DDAH1: variants seen among roughly 807,000 people sequenced by gnomAD.
DDAH1 encodes the protein N(G),N(G)-dimethylarginine dimethylaminohydrolase 1.
Under a neutral mutation model 28.8 loss-of-function variants are expected in DDAH1, and 19 were observed. The ratio of observed to expected loss-of-function variants is 0.66; its 90% CI spans 0.46 to 0.97. The LOEUF (loss-of-function observed/expected upper bound fraction) is 0.97, where lower values mean the gene tolerates loss of function less well. DDAH1 is among the 50% of genes least tolerant of loss of function. DDAH1 has a pLI of 0.00. For synonymous variants in DDAH1, 153 were observed against 154.4 expected (o/e 0.99, Z 0.07); for missense variants, 326 against 375.9 (o/e 0.87, Z 1.10).
chr1:85,398,102 C>G (rs1032811492), intron 1 of DDAH1, among the ~76,000 whole-genome samples: 4 of 151,640 alleles, frequency 2.6e-5, no homozygotes, highest in Non-Finnish European at 5.9e-5. Flanking sequence ...CACTTCCTGG[C>G]AGGCCTAGGA....
intron 1 of DDAH1, among the ~76,000 whole-genome samples, chr1:85,391,398 T>C (rs1651541269): frequency 6.6e-6 from 1 of 152,080 alleles, no homozygotes; most frequent in Non-Finnish European, 1.5e-5. Context: ...GCCCAGGAGT[T>C]TGAGGCTGCA....
chr1:85,505,916 T>C (rs1184473702), intron 1 of DDAH1, among the ~76,000 whole-genome samples: 1 of 152,214 alleles, frequency 6.6e-6, no homozygotes, highest in Non-Finnish European at 1.5e-5. Flanking sequence ...ATGTCCTAAA[T>C]TCTTCTATAG....
chr1:85,357,217 C>T (rs760516996), intron 2 of DDAH1, among the ~76,000 whole-genome samples: 5 of 152,136 alleles, frequency 3.3e-5, no homozygotes, highest in South Asian at 2.1e-4. Flanking sequence ...AAGAATGCAG[C>T]GTAGGCCTTC....
intron 1 of DDAH1, among the ~76,000 whole-genome samples, chr1:85,417,340 G>A (rs934149163): frequency 1.3e-5 from 2 of 152,168 alleles, no homozygotes; most frequent in Admixed American, 6.5e-5. Context: ...AGGCCTGGCT[G>A]TGTGCAAGAG....
chr1:85,564,216 T>TA (rs535061972), intron 1 of DDAH1, among the ~76,000 whole-genome samples: 70 of 149,196 alleles, frequency 4.7e-4, no homozygotes, highest in Non-Finnish European at 9.6e-4. Flanking sequence ...ATGTCTGAGA[T>TA]AAAAAAATAT....
chr1:85,389,474 T>C (rs747319729), intron 1 of DDAH1, among the ~76,000 whole-genome samples: 9 of 152,164 alleles, frequency 5.9e-5, no homozygotes, highest in South Asian at 2.1e-4. Context: ...TGCTGAGTTA[T>C]CCATTCACTG....
chr1:85,511,728 C>G (rs980884601), intron 1 of DDAH1, among the ~76,000 whole-genome samples: 5 of 152,164 alleles, frequency 3.3e-5, no homozygotes, highest in Non-Finnish European at 7.3e-5. Context: ...CACCTCTATG[C>G]AAATAAACTA....
intron 1 of DDAH1, among the ~76,000 whole-genome samples, chr1:85,392,527 G>A (rs959814589): frequency 2.0e-5 from 3 of 152,092 alleles, no homozygotes; most frequent in African/African-American, 7.2e-5. Context: ...GGGTGTGATG[G>A]CTCACACCTG....
intron 1 of DDAH1, among the ~76,000 whole-genome samples, chr1:85,434,684 G>A (rs1653850812): frequency 6.6e-6 from 1 of 152,046 alleles, no homozygotes; most frequent in Non-Finnish European, 1.5e-5. Flanking sequence ...TAGCCACCAT[G>A]CCTGGCCTAA....
rs186766674 is a variant in DDAH1, at chr1:85,460,528, C to T, written c.303+4215G>A. 2.0e-3 allele frequency among the ~76,000 whole-genome samples: 305 copies of T among 152,076 alleles called. 1 individual carries two copies. The highest frequency in any genetic ancestry group is 3.8e-3 in the Non-Finnish European group (260 of 68,008). On this transcript the variant is annotated intron_variant, in intron 1 of 5. Transcript: ENST00000284031. ...TTACCCCACATACTAACACTTGGTA[C>T]CTGGGAAAGGATAAAATAGCTGTTA...
intron 4 of DDAH1, among the ~76,000 whole-genome samples, chr1:85,337,769 A>G (rs1164329046): frequency 6.6e-6 from 1 of 152,192 alleles, no homozygotes; most frequent in Non-Finnish European, 1.5e-5. Flanking sequence ...TCAAAAAGTT[A>G]AAGTCCCCTT....
chr1:85,354,468 C>A (rs1649385130), intron 2 of DDAH1, among the ~76,000 whole-genome samples: 1 of 152,128 alleles, frequency 6.6e-6, no homozygotes, highest in African/African-American at 2.4e-5. Flanking sequence ...TGCACAGATC[C>A]ATTATTTTTT....
intron 2 of DDAH1, among the ~76,000 whole-genome samples, chr1:85,475,934 C>A (rs2100709476): frequency 6.6e-6 from 1 of 152,326 alleles, no homozygotes; most frequent in Admixed American, 6.5e-5. Flanking sequence ...TCACTGCAAC[C>A]TCTACCTCCC....
At chr1:85,333,143 T>C (rs1300325704) in intron 4 of DDAH1, among the ~76,000 whole-genome samples, 1 of 152,218 alleles carries the variant, frequency 6.6e-6, no homozygotes, top group Non-Finnish European at 1.5e-5. Flanking sequence ...CCTGGCGTCC[T>C]ATCCCCAGGA....
intron 1 of DDAH1, among the ~76,000 whole-genome samples, chr1:85,403,568 C>T (rs575333131): frequency 9.2e-5 from 14 of 152,234 alleles, no homozygotes; most frequent in Non-Finnish European, 1.8e-4. Context: ...ATCTATTTTT[C>T]AACCCCCAAA....
intron 4 of DDAH1, among the ~76,000 whole-genome samples, chr1:85,334,167 G>A (rs1045209814): frequency 6.6e-6 from 1 of 152,174 alleles, no homozygotes; most frequent in African/African-American, 2.4e-5. Flanking sequence ...TTTGATAAGT[G>A]TTTGGTAGTT....
intron 1 of DDAH1, among the ~76,000 whole-genome samples, chr1:85,544,685 T>A (rs1658567629): frequency 6.6e-6 from 1 of 152,116 alleles, no homozygotes; most frequent in Admixed American, 6.6e-5. Context: ...TCAGAGACTA[T>A]AAGACCCAAC....
At chr1:85,378,556 G>A (rs1650804546) in intron 1 of DDAH1, among the ~76,000 whole-genome samples, 1 of 152,076 alleles carries the variant, frequency 6.6e-6, no homozygotes, top group Non-Finnish European at 1.5e-5. Flanking sequence ...CCATAAGCAT[G>A]TGCCACCACA....
chr1:85,485,364 C>G (rs995229678), intron 2 of DDAH1, among the ~76,000 whole-genome samples: 14 of 152,186 alleles, frequency 9.2e-5, no homozygotes, highest in Middle Eastern at 3.4e-3. Context: ...AGGAGAATCA[C>G]TGGCTTTTAA....
Sources: gnomAD v4.1 joint callset for allele counts (sites outside exome capture counted in the v4.1 genomes callset) on GRCh38, gnomAD v4.1.1 for gene constraint, MANE v1.5 for transcripts, NCBI Gene and HGNC (gene_info 2026-07-23, HGNC 2026-07-21) for gene names.